Variants in TMEM132B observed in about 807,000 individuals in gnomAD.
TMEM132B encodes transmembrane protein 132B.
In TMEM132B, 18 loss-of-function variants were observed where a neutral mutation model predicts 90.8. That is an observed-to-expected ratio of 0.20 (90% CI 0.14 to 0.29). TMEM132B has a LOEUF of 0.29. Among genes scored for constraint, TMEM132B ranks in the 10% least tolerant of loss-of-function variants. TMEM132B has a pLI of 1.00. For missense variants in TMEM132B, 1,096 were observed against 1,326.8 expected, an observed-to-expected ratio of 0.83 and a Z score of 2.70; for synonymous variants, 504 against 523.3, an observed-to-expected ratio of 0.96 and a Z score of 0.50.
intron 2 of TMEM132B, among the ~76,000 whole-genome samples, chr12:125,401,613 A>G (rs1397409288): frequency 6.6e-6 from 1 of 152,184 alleles, no homozygotes; most frequent in African/African-American, 2.4e-5. Context: ...GTGCTGTTTT[A>G]GGAACCACGA....
chr12:125,379,362 G>A (rs1032130954), intron 2 of TMEM132B, among the ~76,000 whole-genome samples: 11 of 152,312 alleles, frequency 7.2e-5, no homozygotes, highest in Admixed American at 1.3e-4. Context: ...GAATTCTACA[G>A]TGCTGGCTTT....
intron 4 of TMEM132B, among the ~76,000 whole-genome samples, chr12:125,526,480 C>A (rs889596737): frequency 6.6e-6 from 1 of 152,224 alleles, no homozygotes; most frequent in Non-Finnish European, 1.5e-5. Flanking sequence ...GCCTTGTAAT[C>A]TTACCTGTGA....
At chr12:125,539,494 A>G (rs1592982417) in intron 4 of TMEM132B, among the ~76,000 whole-genome samples, 1 of 151,748 alleles carries the variant, frequency 6.6e-6, no homozygotes, top group Non-Finnish European at 1.5e-5. Flanking sequence ...CAGAATGAGC[A>G]CTCTCCAAAA....
intron 1 of TMEM132B, among the ~76,000 whole-genome samples, chr12:125,306,402 T>G (rs1875970748): frequency 6.6e-6 from 1 of 152,212 alleles, no homozygotes. Context: ...ACTGTCTACA[T>G]GACATCTCTA....
chr12:125,533,870 A>G (rs1165422408), intron 4 of TMEM132B, among the ~76,000 whole-genome samples: 1 of 152,228 alleles, frequency 6.6e-6, no homozygotes, highest in Non-Finnish European at 1.5e-5. Context: ...AATAGGCTTT[A>G]TTATTTTTAT....
At chr12:125,467,680 G>A (rs1005307830) in intron 3 of TMEM132B, among the ~76,000 whole-genome samples, 7 of 152,274 alleles carry the variant, frequency 4.6e-5, no homozygotes, top group Non-Finnish European at 8.8e-5. Flanking sequence ...TCACATTGCT[G>A]TAGAACCATT....
intron 1 of TMEM132B, among the ~76,000 whole-genome samples, chr12:125,337,730 C>A (rs1461607590): frequency 2.6e-5 from 4 of 152,200 alleles, no homozygotes; most frequent in Non-Finnish European, 4.4e-5. Context: ...GTATTCTGTT[C>A]TATGCTATTT....
At chr12:125,511,750 G>T (rs573692486) in intron 3 of TMEM132B, among the ~76,000 whole-genome samples, 8 of 151,616 alleles carry the variant, frequency 5.3e-5, no homozygotes, top group Non-Finnish European at 1.0e-4. Context: ...TACTTGGGAG[G>T]CTGAGGCAGG....
chr12:125,433,505 TTC>T (rs1382094821), intron 3 of TMEM132B, among the ~76,000 whole-genome samples: 1 of 118,166 alleles, frequency 8.5e-6, no homozygotes, highest in African/African-American at 4.6e-5. Flanking sequence ...ATTTTGTATT[TTC>T]TTTTTTTTTT....
intron 1 of TMEM132B, among the ~76,000 whole-genome samples, chr12:125,278,615 G>A (rs1184368218): frequency 6.6e-6 from 1 of 151,912 alleles, no homozygotes; most frequent in Non-Finnish European, 1.5e-5. Context: ...TTCTTTTTGG[G>A]GATGGGGTGG....
intron 1 of TMEM132B, among the ~76,000 whole-genome samples, chr12:125,292,771 C>T (rs1875575196): frequency 6.6e-6 from 1 of 152,200 alleles, no homozygotes; most frequent in Non-Finnish European, 1.5e-5. Flanking sequence ...GCTTCTCTTT[C>T]TCAGTCGGTT....
intron 6 of TMEM132B, among the ~76,000 whole-genome samples, chr12:125,645,180 T>C (rs1377250443): frequency 7.5e-6 from 1 of 134,108 alleles, no homozygotes; most frequent in Non-Finnish European, 1.5e-5. Flanking sequence ...ATCTTGCCAC[T>C]GCACTCCAGC....
At chr12:125,593,289 G>T (rs557575932) in intron 5 of TMEM132B, among the ~76,000 whole-genome samples, 1 of 152,268 alleles carries the variant, frequency 6.6e-6, no homozygotes, top group East Asian at 1.9e-4. Flanking sequence ...GTTCCTGTCA[G>T]CCTCATTATG....
chr12:125,598,329 T>C (rs1885491907), intron 5 of TMEM132B, among the ~76,000 whole-genome samples: 1 of 152,188 alleles, frequency 6.6e-6, no homozygotes, highest in African/African-American at 2.4e-5. Flanking sequence ...CACGTGTTCA[T>C]TGAACATGGA....
chr12:125,199,174 A>G (rs1407420374), intron 1 of TMEM132B, among the ~76,000 whole-genome samples: 1 of 152,222 alleles, frequency 6.6e-6, no homozygotes, highest in African/African-American at 2.4e-5. Flanking sequence ...TGGCACATAC[A>G]CGGCATCGTA....
intron 1 of TMEM132B, among the ~76,000 whole-genome samples, chr12:125,346,430 C>T (rs758806362): frequency 1.3e-5 from 2 of 152,188 alleles, no homozygotes; most frequent in Non-Finnish European, 2.9e-5. Flanking sequence ...GTCTGGTGTG[C>T]CTGCTTAGCC....
chr12:125,248,187 G>C (rs1874245849), intron 1 of TMEM132B, among the ~76,000 whole-genome samples: 1 of 152,300 alleles, frequency 6.6e-6, no homozygotes, highest in East Asian at 1.9e-4. Context: ...TAAAGCGACG[G>C]CTCTGCAATT....
intron 2 of TMEM132B, among the ~76,000 whole-genome samples, chr12:125,405,424 G>A (rs942968447): frequency 4.6e-5 from 7 of 152,198 alleles, no homozygotes; most frequent in Non-Finnish European, 8.8e-5. Context: ...AGACCCTGTG[G>A]CTCAATAAGG....
At chr12:125,501,326 A>G (rs1882690349) in intron 3 of TMEM132B, among the ~76,000 whole-genome samples, 11 of 152,240 alleles carry the variant, frequency 7.2e-5, no homozygotes. Flanking sequence ...ATTAAAAATT[A>G]TGTCGTTTAC....
Sources: allele counts gnomAD v4.1 joint callset (sites outside exome capture counted in the v4.1 genomes callset), GRCh38; gene constraint gnomAD v4.1.1; transcripts MANE v1.5; gene names NCBI Gene and HGNC (gene_info 2026-07-23, HGNC 2026-07-21).